C2: variants seen among roughly 807,000 people sequenced by gnomAD.
C2 encodes the protein complement C2.
A neutral mutation model predicts 85.2 loss-of-function variants in C2; 64 were observed. That is an observed-to-expected ratio of 0.75 (90% CI 0.61 to 0.92). C2 has a LOEUF of 0.92. C2 is among the 40% of genes least tolerant of loss of function. The pLI, the probability that C2 is intolerant of heterozygous loss-of-function variation, is 0.00. For missense variants in C2, 820 were observed against 971.6 expected, an observed-to-expected ratio of 0.84 and a Z score of 2.07; for synonymous variants, 311 against 370.8, an observed-to-expected ratio of 0.84 and a Z score of 1.85.
intron 8 of C2, 38 bp downstream of exon 8, chr6:31,937,497 G>A: frequency 6.2e-7 from 1 of 1,611,468 alleles, no homozygotes; most frequent in Non-Finnish European, 8.5e-7. Context: ...TGGAATAGTG[G>A]AAGGGGCACC....
At chr6:31,915,029 C>T (rs529732228), upstream of C2, among the ~76,000 whole-genome samples, 3 of 152,290 alleles carry the variant, frequency 2.0e-5, no homozygotes, top group South Asian at 6.2e-4. Context: ...TATGCCTCAA[C>T]GTTGGTGCTG....
Position 31,943,961 on chromosome 6 carries a change from G to A in C2, c.1778G>A (p.Arg593Gln), listed in dbSNP as rs150878060. Residue 593 changes from arginine (R) to glutamine (Q), a missense_variant, in exon 14 of 18, where the codon CGG (arginine) becomes CAG (glutamine). Transcript: ENST00000299367. This position sits in a 1 kb window ranked among gnomAD's most constrained non-coding sequence, Gnocchi z 6.4. ...PCTMEANLAL[R>Q]RPQGSTCRDH... Reference sequence around the variant, plus strand: ...ACGATGGAGGCCAATCTGGCTCTGCGGAGACCTCAAGGCAGCACCTGTAGG... The same window carrying A: ...ACGATGGAGGCCAATCTGGCTCTGCAGAGACCTCAAGGCAGCACCTGTAGG... The A allele has an allele frequency of 2.0e-4, 325 of 1,612,984 alleles. 1 individual carries two copies. In the African/African-American group the frequency reaches 3.7e-3, roughly 18 times the overall value.
In C2 at chr6:31,942,910, G is replaced by A. The variant is rs370481067; in HGVS notation, c.1220-49G>A. On this transcript the variant is annotated intron_variant, in intron 9 of 17. Transcript: ENST00000299367. The stretch of plus-strand genomic sequence containing the variant: ...CAGATGACAGCCTCCTGTCTCATGG[G>A]GTAGCCCCAAAGCCACAGGAGTCTG... The A allele has an allele frequency of 9.3e-6, 15 of 1,611,264 alleles. No homozygotes were observed. The African/African-American group carries it at 1.7e-4, about 19-fold the overall frequency.
chr6:31,934,290 G>A lies in C2; in HGVS notation c.840G>A (p.Met280Ile), dbSNP rs781375635. The A allele has an allele frequency of 2.5e-6, 4 of 1,594,118 alleles. No homozygotes were observed. Among genetic ancestry groups the A allele is most frequent in the Non-Finnish European group, 3.4e-6 (4 of 1,162,828 alleles). ...TCTTCAAGGAGAGCGCCTCCCTCAT[G>A]GTGGACAGGGTCAGGAATCAGGAGT... The part of the protein sequence containing the change: ...FLIFKESASL[M>I]VDRIFSFEIN... The change falls in exon 6 of 18, where the codon ATG becomes ATA. Residue 280 changes from methionine (M) to isoleucine (I), a missense_variant. Transcript: ENST00000299367.
Position 31,943,511 on chromosome 6 carries a change from G to A in C2, c.1551G>A (p.Leu517=). The A allele has an allele frequency of 4.3e-6, 7 of 1,613,000 alleles. No homozygotes were observed. The highest frequency in any genetic ancestry group is 5.9e-6 in the Non-Finnish European group (7 of 1,179,986). Residue 517 remains leucine, a synonymous_variant, in exon 12 of 18, where the codon CTG becomes CTA. Coordinates refer to ENST00000299367, the MANE Select transcript of C2 (RefSeq NM_000063.6). The surrounding 1 kb of genome is among the most constrained non-coding windows in gnomAD (Gnocchi z 6.4). The part of the protein sequence containing the change: ...HCFRDGNDHS[L]WRVNVGDPKS... ...TCCGCGATGGCAACGACCACTCCCT[G>A]TGGAGGGTCAATGTGGGTAAGGCAG...
At chr6:31,910,092 G>C (rs1452166124) in intron 1 of C2, among the ~76,000 whole-genome samples, 1 of 151,048 alleles carries the variant, frequency 6.6e-6, no homozygotes, top group Non-Finnish European at 1.5e-5. Context: ...TATTGGCCAG[G>C]CTGGTCTCGA....
intron 1 of C2, among the ~76,000 whole-genome samples, chr6:31,911,786 C>T (rs1043594828): frequency 6.6e-6 from 1 of 151,792 alleles, no homozygotes; most frequent in Non-Finnish European, 1.5e-5. Context: ...CATGCCACCA[C>T]GCCTGGCTAA....
chr6:31,945,672 A>C lies in C2; in HGVS notation c.*315A>C. The C allele has an allele frequency of 1.9e-6, 1 of 522,324 alleles. No homozygotes were observed. 32.4% of individuals were successfully genotyped at this position (522,324 alleles called of 1,614,324 possible). The stretch of plus-strand genomic sequence containing the variant: ...ATTAATAAAAATCAATGGTTTCCAC[A>C]TCTCTCAGTGCCTCTATCTGGAGGC... On this transcript the variant is annotated 3_prime_UTR_variant, in exon 18 of 18. Transcript: ENST00000299367. The surrounding 1 kb of genome is among the most constrained non-coding windows in gnomAD (Gnocchi z 5.3).
At chr6:31,942,682 G>T (rs939448816) in intron 9 of C2, among the ~76,000 whole-genome samples, 4 of 152,198 alleles carry the variant, frequency 2.6e-5, no homozygotes, top group Non-Finnish European at 4.4e-5. Flanking sequence ...GAAGTCTGGG[G>T]GGGAGGAGTG....
chr6:31,942,398 T>TG (rs1469732397), intron 9 of C2, among the ~76,000 whole-genome samples: 1 of 151,252 alleles, frequency 6.6e-6, no homozygotes, highest in Non-Finnish European at 1.5e-5. Context: ...CACATCTTTC[T>TG]GGGGGACACA....
At chr6:31,906,477 G>A (rs1477178583) in intron 1 of C2, among the ~76,000 whole-genome samples, 1 of 151,714 alleles carries the variant, frequency 6.6e-6, no homozygotes, top group Non-Finnish European at 1.5e-5. Flanking sequence ...CTTTGCCATC[G>A]TCCAAGTCCT....
intron 1 of C2, among the ~76,000 whole-genome samples, chr6:31,910,656 G>A (rs519417): frequency 0.074 from 11,219 of 152,048 alleles, 569 homozygotes; most frequent in Non-Finnish European, 0.11. Context: ...ATTTCTGACT[G>A]TTAAAGAAGA....
At chr6:31,913,020 C>T (rs1433294039) in intron 1 of C2, among the ~76,000 whole-genome samples, 3 of 135,166 alleles carry the variant, frequency 2.2e-5, no homozygotes, top group Non-Finnish European at 4.6e-5. Flanking sequence ...ATGGTGAAAC[C>T]CTGTTTCCAC....
chr6:31,943,710 A>G lies in C2; in HGVS notation c.1634A>G (p.Asp545Gly). The change falls in exon 13 of 18, where the codon GAT (aspartate) becomes GGT (glycine). Residue 545 changes from aspartate to glycine, a missense_variant. By Grantham distance (94) the Asp-to-Gly change is moderately conservative. Coordinates refer to ENST00000299367, the MANE Select transcript of C2 (RefSeq NM_000063.6). The surrounding 1 kb of genome is among the most constrained non-coding windows in gnomAD (Gnocchi z 6.4). Reference sequence around the variant, plus strand: ...AAGGCGGTGATCTCCCCAGGGTTTGATGTCTTTGCCAAAAAGAACCAGGGA... The same window carrying G: ...AAGGCGGTGATCTCCCCAGGGTTTGGTGTCTTTGCCAAAAAGAACCAGGGA... ...IEKAVISPGF[D>G]VFAKKNQGIL... 6.2e-7 allele frequency: 1 copy of G among 1,613,030 alleles called. No homozygotes were observed. The highest frequency in any genetic ancestry group is 8.5e-7 in the Non-Finnish European group (1 of 1,179,986).
chr6:31,926,249 A>G (rs1439521809), upstream of C2, among the ~76,000 whole-genome samples: 1 of 152,092 alleles, frequency 6.6e-6, no homozygotes, highest in East Asian at 1.9e-4. Flanking sequence ...GCTCTGCCAC[A>G]GCAGCCACTT....
intron 6 of C2, chr6:31,934,611 A>G: frequency 7.2e-7 from 1 of 1,393,772 alleles, no homozygotes; most frequent in Non-Finnish European, 9.3e-7. Context: ...CACAGGAGTG[A>G]AGCAGAAAAA....
upstream of C2, among the ~76,000 whole-genome samples, chr6:31,919,461 T>G (rs1233737564): frequency 6.6e-6 from 1 of 152,206 alleles, no homozygotes; most frequent in Non-Finnish European, 1.5e-5. Flanking sequence ...AGGTATCATA[T>G]GTACCCAGTG....
In C2 at chr6:31,943,338, A is replaced by G. The variant is rs750135610; in HGVS notation, c.1455+19A>G. ...TATTAAGGTACCAGGAAGGAGGGGC[A>G]GGGCTTGGATTCCAGAGGTAAAAGC... is the stretch of plus-strand genomic sequence containing the variant. On this transcript the variant is annotated intron_variant, in intron 11 of 17. Transcript: ENST00000299367. This position sits in a 1 kb window ranked among gnomAD's most constrained non-coding sequence, Gnocchi z 6.4. 1.1e-5 allele frequency: 18 copies of G among 1,606,808 alleles called. No homozygotes were observed. Among genetic ancestry groups the G allele is most frequent in the Admixed American group, 8.3e-5 (5 of 60,002 alleles).
chr6:31,927,182 G>C (rs1231626732), upstream of C2, among the ~76,000 whole-genome samples: 1 of 152,170 alleles, frequency 6.6e-6, no homozygotes, highest in Non-Finnish European at 1.5e-5. The surrounding 1 kb of genome is among the most constrained non-coding windows in gnomAD (Gnocchi z 4.7). Flanking sequence ...TATTTATCAA[G>C]AAGTTCTAAA....
Sources: gnomAD v4.1 joint callset for allele counts (sites outside exome capture counted in the v4.1 genomes callset) on GRCh38, gnomAD v4.1.1 for gene constraint, Gnocchi (gnomAD v3.1) non-coding constraint, MANE v1.5 for transcripts, NCBI Gene and HGNC (gene_info 2026-07-23, HGNC 2026-07-21) for gene names.